The following KIRREL3 variants were observed in gnomAD, a reference collection of about 807,000 sequenced individuals.
The protein encoded by KIRREL3 is kin of IRRE-like protein 3.
Under a neutral mutation model 89.7 loss-of-function variants are expected in KIRREL3, and 36 were observed. That is an observed-to-expected ratio of 0.40 (90% CI 0.31 to 0.53). The LOEUF (loss-of-function observed/expected upper bound fraction) is 0.53, where lower values mean the gene tolerates loss of function less well. Ranked by LOEUF, KIRREL3 falls within the 20% of genes least tolerant of loss-of-function variation. KIRREL3 has a pLI of 0.49. For missense variants in KIRREL3, 864 were observed against 1,056.6 expected, an observed-to-expected ratio of 0.82 and a Z score of 2.53; for synonymous variants, 445 against 441.4, an observed-to-expected ratio of 1.01 and a Z score of -0.10.
At chr11:126,856,111 T>C (rs1339161450) in intron 1 of KIRREL3, among the ~76,000 whole-genome samples, 1 of 152,198 alleles carries the variant, frequency 6.6e-6, no homozygotes, top group African/African-American at 2.4e-5. Context: ...TGGGGAACAC[T>C]TTGTGGGGTA....
chr11:126,650,967 A>G (rs1224325070), intron 1 of KIRREL3, among the ~76,000 whole-genome samples: 1 of 152,222 alleles, frequency 6.6e-6, no homozygotes, highest in East Asian at 1.9e-4. Flanking sequence ...GTAAGAGAAG[A>G]ATGAGGAAGA....
intron 7 of KIRREL3, among the ~76,000 whole-genome samples, chr11:126,451,071 A>G (rs1459958476): frequency 2.5e-5 from 3 of 121,128 alleles, no homozygotes; most frequent in South Asian, 2.8e-4. Context: ...ATGCATGTGC[A>G]TGTGTGTGCG....
intron 1 of KIRREL3, among the ~76,000 whole-genome samples, chr11:126,871,252 C>T (rs548374147): frequency 1.4e-4 from 21 of 152,104 alleles, no homozygotes; most frequent in Non-Finnish European, 2.8e-4. Flanking sequence ...CCTCACCGCT[C>T]ATAAAGAACT....
rs1957175551 is a variant in KIRREL3 at position 126,479,983 on chromosome 11, T to A, written c.434-6517A>T. 2.0e-5 allele frequency among the ~76,000 whole-genome samples: 3 copies of A among 152,128 alleles called. No homozygotes were observed. The South Asian group carries it at 6.2e-4, about 32-fold the overall frequency. Reference sequence around the variant, plus strand: ...GGCTTCTGTCTATGATCCCACAGCATCCTGGGCATCCCCTGACTCACTAGC... The same window carrying A: ...GGCTTCTGTCTATGATCCCACAGCAACCTGGGCATCCCCTGACTCACTAGC... On this transcript the variant is annotated intron_variant, in intron 4 of 16. Coordinates refer to ENST00000525144, the MANE Select transcript of KIRREL3 (RefSeq NM_032531.4).
At position 126,531,916 on chromosome 11, in the gene KIRREL3, G is replaced by T. The variant is rs1193023503; in HGVS notation, c.134-5229C>A. Among the ~76,000 whole-genome samples, 1 of 152,104 alleles carries T rather than the reference G, an allele frequency of 6.6e-6. No individual in the cohort carries two copies. Among genetic ancestry groups the T allele is most frequent in the Non-Finnish European group, 1.5e-5 (1 of 68,032 alleles). ...CTGCTCTGGTTGGTCTGCTGAGATC[G>T]GTGGTCACTACAGGAAAATTGCTTT... On this transcript the variant is annotated intron_variant, in intron 2 of 16. Coordinates refer to ENST00000525144, the MANE Select transcript of KIRREL3 (RefSeq NM_032531.4). This position sits in a 1 kb window ranked among gnomAD's most constrained non-coding sequence, Gnocchi z 4.7.
chr11:126,725,729 G>A (rs895642093), intron 1 of KIRREL3, among the ~76,000 whole-genome samples: 1 of 152,154 alleles, frequency 6.6e-6, no homozygotes, highest in African/African-American at 2.4e-5. Context: ...GGATGTGCGG[G>A]GCTGGTGGAG....
rs1364294461 is a variant in KIRREL3 at position 126,794,308 on chromosome 11, T to A, written c.55+206147A>T. On this transcript the variant is annotated intron_variant, in intron 1 of 16. Transcript: ENST00000525144. ...CATGCCAGCCTGGGCCATGGTTCCC[T>A]GCACAGTATTTTCTGCTTTCTCTCT... is the stretch of plus-strand genomic sequence containing the variant. Among the ~76,000 whole-genome samples, 4 of 152,230 alleles carry A rather than the reference T, an allele frequency of 2.6e-5. No homozygotes were observed. The South Asian group carries it at 6.2e-4, about 24-fold the overall frequency.
At chr11:126,688,526 T>C (rs1946752773) in intron 1 of KIRREL3, among the ~76,000 whole-genome samples, 1 of 152,198 alleles carries the variant, frequency 6.6e-6, no homozygotes, top group South Asian at 2.1e-4. Context: ...CTGAACAAAC[T>C]AAAATCATAA....
rs1191332226 is a variant in KIRREL3, at chr11:126,995,257, G to T, written c.55+5198C>A. The T allele has an allele frequency of 6.6e-6, 3 of 456,180 alleles. No individual in the cohort carries two copies. Among genetic ancestry groups the T allele is most frequent in the Middle Eastern group, 3.3e-4 (1 of 3,076 alleles). 28.3% of individuals were successfully genotyped at this position (456,180 alleles called of 1,614,324 possible). A position where few individuals can be genotyped will look rare whatever the true frequency, so the allele number is the denominator to read the frequency against. ...CCGCTGGCCTCGAGGCAAGACAAGA[G>T]CTCCAATCACTCTGCTGCAAGCGCC... On this transcript the variant is annotated intron_variant, in intron 1 of 16. Transcript: ENST00000525144. This position sits in a 1 kb window ranked among gnomAD's most constrained non-coding sequence, Gnocchi z 6.5.
Position 126,814,216 on chromosome 11 carries a change from T to C in KIRREL3, c.55+186239A>G, listed in dbSNP as rs1472206840. Among the ~76,000 whole-genome samples, 1 of 151,772 alleles carries C rather than the reference T, an allele frequency of 6.6e-6. No individual in the cohort carries two copies. The highest frequency in any genetic ancestry group is 1.9e-4 in the East Asian group (1 of 5,192). On this transcript the variant is annotated intron_variant, in intron 1 of 16. Transcript: ENST00000525144. The surrounding 1 kb of genome is among the most constrained non-coding windows in gnomAD (Gnocchi z 4.4). ...AAAACCACAATGACATACCATCTCA[T>C]GCCAGGCAGAATGGCTTTTTTTTTA...
rs1440815814 is a variant in KIRREL3, at chr11:126,530,813, C to T, written c.134-4126G>A. Reference sequence around the variant, plus strand: ...GCCTTGGCGGCCGGTGCAATCTCCCCTTCCCATACTTTATTTTTATTTTTC... The same window carrying T: ...GCCTTGGCGGCCGGTGCAATCTCCCTTTCCCATACTTTATTTTTATTTTTC... On this transcript the variant is annotated intron_variant, in intron 2 of 16. Transcript: ENST00000525144. The surrounding 1 kb of genome is among the most constrained non-coding windows in gnomAD (Gnocchi z 5.8). Among the ~76,000 whole-genome samples, 3 of 152,098 alleles carry T rather than the reference C, an allele frequency of 2.0e-5. No homozygotes were observed. The highest frequency in any genetic ancestry group is 7.2e-5 in the African/African-American group (3 of 41,432).
chr11:126,547,327 A>G (rs1938885001), intron 2 of KIRREL3, among the ~76,000 whole-genome samples: 2 of 152,226 alleles, frequency 1.3e-5, no homozygotes, highest in African/African-American at 4.8e-5. Flanking sequence ...AGTGTCTCTG[A>G]GAAGTTCTGC....
chr11:126,547,226 G>A (rs2134515310), intron 2 of KIRREL3, among the ~76,000 whole-genome samples: 1 of 152,304 alleles, frequency 6.6e-6, no homozygotes, highest in South Asian at 2.1e-4. Flanking sequence ...CCTGACACAT[G>A]CTGCAGGAAA....
At chr11:126,957,449 A>AT (rs1457635024) in intron 1 of KIRREL3, among the ~76,000 whole-genome samples, 2 of 152,152 alleles carry the variant, frequency 1.3e-5, no homozygotes, top group African/African-American at 2.4e-5. Flanking sequence ...TTAATATTTA[A>AT]TTTTTTATTG....
At chr11:127,002,640 C>T (rs1950334542), upstream of KIRREL3, among the ~76,000 whole-genome samples, 1 of 152,194 alleles carries the variant, frequency 6.6e-6, no homozygotes, top group Non-Finnish European at 1.5e-5. Flanking sequence ...GGAGAAATTT[C>T]AGGTGTCTGC....
intron 4 of KIRREL3, among the ~76,000 whole-genome samples, chr11:126,478,682 T>A (rs1299695405): frequency 6.6e-6 from 1 of 152,172 alleles, no homozygotes; most frequent in Non-Finnish European, 1.5e-5. Context: ...TGTGTATGTA[T>A]GTGCATGTAG....
Position 126,530,098 on chromosome 11 carries a change from T to A in KIRREL3, c.134-3411A>T, listed in dbSNP as rs886941432. ...CTCCTCACCCACCCACTCTTTCTTT[T>A]CTTTTGAGACTGAGTCTCACTCTGT... On this transcript the variant is annotated intron_variant, in intron 2 of 16. Transcript: ENST00000525144. This position sits in a 1 kb window ranked among gnomAD's most constrained non-coding sequence, Gnocchi z 5.8. Among the ~76,000 whole-genome samples the A allele has an allele frequency of 4.6e-5, 7 of 152,130 alleles. No individual in the cohort carries two copies. The highest frequency in any genetic ancestry group is 3.9e-4 in the Admixed American group (6 of 15,284).
chr11:126,670,165 C>T (rs144235240), intron 1 of KIRREL3, among the ~76,000 whole-genome samples: 1 of 152,292 alleles, frequency 6.6e-6, no homozygotes, highest in Non-Finnish European at 1.5e-5. Flanking sequence ...CAACTGGTCT[C>T]CCTGCTTCTC....
intron 1 of KIRREL3, among the ~76,000 whole-genome samples, chr11:126,695,930 C>T (rs1430330091): frequency 6.6e-6 from 1 of 152,106 alleles, no homozygotes; most frequent in Non-Finnish European, 1.5e-5. Context: ...AGTTCCCTGA[C>T]ACTGCTGCCT....
Sources: allele counts gnomAD v4.1 joint callset (sites outside exome capture counted in the v4.1 genomes callset), GRCh38; gene constraint gnomAD v4.1.1; non-coding constraint Gnocchi (gnomAD v3.1); transcripts MANE v1.5; gene names NCBI Gene and HGNC (gene_info 2026-07-23, HGNC 2026-07-21).